The following TSHZ3 variants were observed in gnomAD, a reference collection of about 807,000 sequenced individuals.
The protein encoded by TSHZ3 is teashirt homolog 3.
In TSHZ3, 10 loss-of-function variants were observed where a neutral mutation model predicts 64.5. That is an observed-to-expected ratio of 0.16 (90% CI 0.10 to 0.26). The LOEUF (loss-of-function observed/expected upper bound fraction) is 0.26, where lower values mean the gene tolerates loss of function less well. TSHZ3 is among the 10% of genes least tolerant of loss of function. TSHZ3 has a pLI of 1.00. For synonymous variants in TSHZ3, 608 were observed against 593.1 expected, an observed-to-expected ratio of 1.03 and a Z score of -0.36; for missense variants, 1,242 against 1,421.7, an observed-to-expected ratio of 0.87 and a Z score of 2.03.
chr19:31,252,460 C>T (rs1437102540), intron 1 of TSHZ3, among the ~76,000 whole-genome samples: 1 of 152,196 alleles, frequency 6.6e-6, no homozygotes, highest in African/African-American at 2.4e-5. Context: ...CTCCATGTCC[C>T]TAACCAAATC....
chr19:31,238,200 A>G (rs12977449), intron 3 of TSHZ3, among the ~76,000 whole-genome samples: 27,384 of 150,964 alleles, frequency 0.18, 2,678 homozygotes, highest in Middle Eastern at 0.41. Flanking sequence ...AAATTTTTCT[A>G]TCATTGTGGC....
chr19:31,228,307 C>G (rs1975497127), intron 3 of TSHZ3, among the ~76,000 whole-genome samples: 1 of 151,990 alleles, frequency 6.6e-6, no homozygotes, highest in African/African-American at 2.4e-5. Context: ...GGGCAGATTG[C>G]TTGAGCCCAG....
intron 1 of TSHZ3, among the ~76,000 whole-genome samples, chr19:31,334,898 C>CCTCTAAAGAGGAGCAATCAT (rs1345648348): frequency 1.3e-5 from 2 of 152,264 alleles, no homozygotes; most frequent in East Asian, 3.9e-4. Flanking sequence ...AGCCAAATCT[C>CCTCTAAAGAGGAGCAATCAT]CTCTAAAGAA....
intron 4 of TSHZ3, among the ~76,000 whole-genome samples, chr19:31,215,642 G>C: frequency 6.6e-6 from 1 of 152,234 alleles, no homozygotes; most frequent in East Asian, 1.9e-4. Context: ...GGAGGCTGAG[G>C]CTGGCGGATC....
intron 5 of TSHZ3, among the ~76,000 whole-genome samples, chr19:31,177,037 T>C (rs1470666265): frequency 6.6e-6 from 1 of 152,166 alleles, no homozygotes; most frequent in African/African-American, 2.4e-5. Flanking sequence ...GGCAGAAGTA[T>C]GTGCATATGG....
intron 1 of TSHZ3, among the ~76,000 whole-genome samples, chr19:31,285,337 G>C (rs1032298906): frequency 6.6e-6 from 1 of 151,918 alleles, no homozygotes; most frequent in African/African-American, 2.4e-5. Flanking sequence ...AAAATTAACC[G>C]GGCATGGTGG....
chr19:31,293,074 CA>C (rs1976602005), intron 1 of TSHZ3, among the ~76,000 whole-genome samples: 1 of 151,208 alleles, frequency 6.6e-6, no homozygotes, highest in South Asian at 2.1e-4. Context: ...TCCATCCATC[CA>C]AAAATCCATC....
chr19:31,191,534 G>A (rs1974905911), intron 5 of TSHZ3, among the ~76,000 whole-genome samples: 1 of 152,126 alleles, frequency 6.6e-6, no homozygotes, highest in Admixed American at 6.5e-5. Flanking sequence ...AATAACAGCA[G>A]ATGTACACTT....
At chr19:31,168,981 A>G (rs1306975116) in intron 5 of TSHZ3, among the ~76,000 whole-genome samples, 1 of 152,222 alleles carries the variant, frequency 6.6e-6, no homozygotes, top group Non-Finnish European at 1.5e-5. Context: ...CGAAGAAGAC[A>G]TATTGAAAAA....
intron 5 of TSHZ3, among the ~76,000 whole-genome samples, chr19:31,193,672 C>A (rs1198314880): frequency 6.6e-6 from 1 of 152,172 alleles, no homozygotes; most frequent in Non-Finnish European, 1.5e-5. Flanking sequence ...TTTTCCAGGA[C>A]AGTGCGAGCC....
intron 1 of TSHZ3, among the ~76,000 whole-genome samples, chr19:31,266,859 C>T (rs1285765970): frequency 1.3e-5 from 2 of 152,158 alleles, no homozygotes; most frequent in Non-Finnish European, 2.9e-5. Flanking sequence ...GGGACCAAGC[C>T]CCTGTGGTTT....
chr19:31,329,370 T>C (rs569968840), intron 1 of TSHZ3, among the ~76,000 whole-genome samples: 1 of 152,358 alleles, frequency 6.6e-6, no homozygotes, highest in South Asian at 2.1e-4. Flanking sequence ...TACATTTATA[T>C]CACGTTACCT....
At chr19:31,199,132 AC>A (rs1777544825) in intron 5 of TSHZ3, among the ~76,000 whole-genome samples, 1 of 152,184 alleles carries the variant, frequency 6.6e-6, no homozygotes, top group Non-Finnish European at 1.5e-5. Flanking sequence ...AGGGCCACGC[AC>A]GGTGACTCAC....
intron 1 of TSHZ3, among the ~76,000 whole-genome samples, chr19:31,324,329 T>A (rs1916869992): frequency 6.6e-6 from 1 of 152,252 alleles, no homozygotes; most frequent in African/African-American, 2.4e-5. Context: ...CAGCAAAGTT[T>A]GGAACAAGAT....
intron 4 of TSHZ3, among the ~76,000 whole-genome samples, chr19:31,210,407 C>A (rs1975247553): frequency 6.6e-6 from 1 of 152,158 alleles, no homozygotes; most frequent in African/African-American, 2.4e-5. Flanking sequence ...GGGCCAGTGG[C>A]AGAGGCAGTA....
intron 5 of TSHZ3, among the ~76,000 whole-genome samples, chr19:31,170,085 G>A (rs1208012359): frequency 6.6e-6 from 1 of 152,212 alleles, no homozygotes; most frequent in Non-Finnish European, 1.5e-5. Flanking sequence ...TTCAGGAGTA[G>A]CAAAACTAGC....
At chr19:31,323,001 A>T (rs373962081) in intron 1 of TSHZ3, among the ~76,000 whole-genome samples, 28 of 152,346 alleles carry the variant, frequency 1.8e-4, no homozygotes, top group East Asian at 1.2e-3. Flanking sequence ...TGGAGTGCTT[A>T]TTCCTTTTAT....
chr19:31,249,337 A>C (rs964439419), intron 1 of TSHZ3, among the ~76,000 whole-genome samples: 3 of 152,176 alleles, frequency 2.0e-5, no homozygotes, highest in Non-Finnish European at 4.4e-5. Flanking sequence ...TTTCCAGCGC[A>C]GTTGGATCTA....
chr19:31,235,650 CTA>C (rs1568355701), intron 3 of TSHZ3, among the ~76,000 whole-genome samples: 2 of 65,212 alleles, frequency 3.1e-5, no homozygotes, highest in African/African-American at 8.3e-5. Context: ...TTCTTTCTTT[CTA>C]TTTCTTTCTA....
Sources: allele counts gnomAD v4.1 joint callset (sites outside exome capture counted in the v4.1 genomes callset), GRCh38; gene constraint gnomAD v4.1.1; transcripts MANE v1.5; gene names NCBI Gene and HGNC (gene_info 2026-07-23, HGNC 2026-07-21).